The following POU6F2 variants were observed in gnomAD, a reference collection of about 807,000 sequenced individuals.
POU6F2 encodes POU domain, class 6, transcription factor 2.
A neutral mutation model predicts 71.3 loss-of-function variants in POU6F2; 31 were observed. That is an observed-to-expected ratio of 0.43 (90% CI 0.33 to 0.59). POU6F2 has a LOEUF of 0.59. Ranked by LOEUF, POU6F2 falls within the 20% of genes least tolerant of loss-of-function variation. The probability of loss-of-function intolerance (pLI) is 0.04; values close to 1 mark genes in which losing one functional copy is unlikely to be tolerated. For synonymous variants in POU6F2, 347 were observed against 355.7 expected (o/e 0.98, Z 0.27); for missense variants, 783 against 856.8 (o/e 0.91, Z 1.07).
chr7:39,200,630 A>G (rs1793878992), intron 2 of POU6F2, among the ~76,000 whole-genome samples: 1 of 152,150 alleles, frequency 6.6e-6, no homozygotes, highest in South Asian at 2.1e-4. Context: ...AATTCCACAC[A>G]AAGGGACAGA....
chr7:39,368,396 A>G (rs1255335920), intron 5 of POU6F2, among the ~76,000 whole-genome samples: 1 of 152,232 alleles, frequency 6.6e-6, no homozygotes, highest in Non-Finnish European at 1.5e-5. Flanking sequence ...GAGATGAGGA[A>G]GCTGCAGAAG....
chr7:39,329,587 A>G (rs1020315896), intron 4 of POU6F2, among the ~76,000 whole-genome samples: 7 of 152,196 alleles, frequency 4.6e-5, no homozygotes, highest in African/African-American at 1.7e-4. Context: ...TCAATGATTC[A>G]CTGGTGTTGG....
intron 4 of POU6F2, among the ~76,000 whole-genome samples, chr7:39,321,928 G>T (rs1355669673): frequency 1.3e-5 from 2 of 151,302 alleles, no homozygotes; most frequent in Non-Finnish European, 2.9e-5. Context: ...TAGAGAGAGA[G>T]AGAAAATGGG....
intron 2 of POU6F2, among the ~76,000 whole-genome samples, chr7:39,133,464 CCTT>C (rs1449557498): frequency 2.6e-4 from 39 of 152,300 alleles, no homozygotes; most frequent in African/African-American, 8.7e-4. Context: ...AGTTGGGTCT[CCTT>C]CTTTACTAGG....
intron 1 of POU6F2, among the ~76,000 whole-genome samples, chr7:38,996,927 A>T (rs1408911344): frequency 6.6e-6 from 1 of 152,110 alleles, no homozygotes; most frequent in Non-Finnish European, 1.5e-5. Context: ...AAATCTCTTT[A>T]TCCAGTCTTG....
intron 2 of POU6F2, among the ~76,000 whole-genome samples, chr7:39,195,985 G>A (rs1793780582): frequency 6.6e-6 from 1 of 152,086 alleles, no homozygotes; most frequent in Admixed American, 6.5e-5. Flanking sequence ...AACAGCTTTG[G>A]CCATTTTTCA....
intron 2 of POU6F2, among the ~76,000 whole-genome samples, chr7:39,196,114 T>A (rs143062515): frequency 1.3e-5 from 2 of 152,288 alleles, no homozygotes; most frequent in East Asian, 3.9e-4. Flanking sequence ...CTTGTCCCCT[T>A]GTCAAGCTCC....
At chr7:39,201,040 T>A (rs1793889928) in intron 2 of POU6F2, among the ~76,000 whole-genome samples, 2 of 151,826 alleles carry the variant, frequency 1.3e-5, no homozygotes, top group Non-Finnish European at 2.9e-5. Context: ...CAAAAAAAAA[T>A]ACAAATTAAA....
chr7:39,355,660 C>T (rs1174962558), intron 5 of POU6F2, among the ~76,000 whole-genome samples: 10 of 152,018 alleles, frequency 6.6e-5, no homozygotes. Context: ...AAAAGAAATG[C>T]CCACCACCCA....
intron 4 of POU6F2, among the ~76,000 whole-genome samples, chr7:39,306,006 T>TA (rs11396165): frequency 0.68 from 102,464 of 150,462 alleles, 34,834 homozygotes; most frequent in Admixed American, 0.77. Flanking sequence ...TCTTTCCCTT[T>TA]AAAAAAAAAA....
At position 39,360,633 on chromosome 7, in the gene POU6F2, A is replaced by C. The variant is rs370484868; in HGVS notation, c.972+20618A>C. Among the ~76,000 whole-genome samples the C allele has an allele frequency of 5.9e-5, 9 of 152,330 alleles. No homozygotes were observed. The East Asian group carries it at 1.3e-3, about 23-fold the overall frequency. On this transcript the variant is annotated intron_variant, in intron 5 of 9. Coordinates refer to ENST00000518318, the MANE Select transcript of POU6F2 (RefSeq NM_001370959.1). ...GAAAGAATTCAGGGTAAGTCCATAC[A>C]ATAAAGTGAAAGCAAGTTTATTAAG...
chr7:39,226,099 G>A (rs910324763), intron 4 of POU6F2, among the ~76,000 whole-genome samples: 2 of 152,016 alleles, frequency 1.3e-5, no homozygotes, highest in Non-Finnish European at 2.9e-5. Flanking sequence ...ATTGATTTGT[G>A]ATTTACATGG....
intron 4 of POU6F2, among the ~76,000 whole-genome samples, chr7:39,240,839 G>A (rs775371207): frequency 6.6e-6 from 1 of 152,016 alleles, no homozygotes; most frequent in African/African-American, 2.4e-5. Flanking sequence ...ACAGAAAATC[G>A]CAGCTCAAAA....
At chr7:39,080,248 A>T (rs1388000665) in intron 1 of POU6F2, among the ~76,000 whole-genome samples, 1 of 152,204 alleles carries the variant, frequency 6.6e-6, no homozygotes, top group Non-Finnish European at 1.5e-5. Context: ...AGCTAAACTA[A>T]TTAATAATAT....
In POU6F2 at chr7:39,412,226, C is replaced by G. The variant is rs550229020; in HGVS notation, c.1113+5486C>G. Among the ~76,000 whole-genome samples, 11 of 152,252 alleles carry G rather than the reference C, an allele frequency of 7.2e-5. No homozygotes were observed. The East Asian group carries it at 1.9e-3, about 27-fold the overall frequency. ...GGTAGAAAAAGTGCTTGGCACAGTG[C>G]CTGATATATGCCATAAGCATTTAAT... On this transcript the variant is annotated intron_variant, in intron 6 of 9. Coordinates refer to ENST00000518318, the MANE Select transcript of POU6F2 (RefSeq NM_001370959.1).
chr7:39,099,360 A>G (rs1791522683), intron 2 of POU6F2, among the ~76,000 whole-genome samples: 1 of 152,220 alleles, frequency 6.6e-6, no homozygotes, highest in Admixed American at 6.5e-5. Context: ...AGTTCCTCCC[A>G]GGGGCATCCG....
At chr7:39,232,478 T>G (rs1017297891) in intron 4 of POU6F2, among the ~76,000 whole-genome samples, 2 of 152,210 alleles carry the variant, frequency 1.3e-5, no homozygotes, top group African/African-American at 4.8e-5. Flanking sequence ...CTAAAAAGAC[T>G]ATCACTCATG....
rs1187771186 is a variant in POU6F2 at position 39,179,618 on chromosome 7, T to G, written c.278-24617T>G. ...ACCTGGGGATCTTAAAATGCAGATC[T>G]TGATCCACTGGATCTGGGGTGGTCT... is the stretch of plus-strand genomic sequence containing the variant. On this transcript the variant is annotated intron_variant, in intron 2 of 9. Coordinates refer to ENST00000518318, the MANE Select transcript of POU6F2 (RefSeq NM_001370959.1). Among the ~76,000 whole-genome samples the G allele has an allele frequency of 2.0e-5, 3 of 152,268 alleles. 1 individual carries two copies. The highest frequency in any genetic ancestry group is 7.2e-5 in the African/African-American group (3 of 41,480).
chr7:39,423,818 C>T (rs143795765), intron 6 of POU6F2, among the ~76,000 whole-genome samples: 1 of 152,280 alleles, frequency 6.6e-6, no homozygotes, highest in Non-Finnish European at 1.5e-5. Flanking sequence ...TAGTGCTGAG[C>T]ATCTTGCTTA....
Sources: allele counts gnomAD v4.1 joint callset (sites outside exome capture counted in the v4.1 genomes callset), GRCh38; gene constraint gnomAD v4.1.1; transcripts MANE v1.5; gene names NCBI Gene and HGNC (gene_info 2026-07-23, HGNC 2026-07-21).